The following EPHB3 variants were observed in gnomAD, a reference collection of about 807,000 sequenced individuals.
EPHB3 encodes the protein ephrin type-B receptor 3.
A neutral mutation model predicts 100.2 loss-of-function variants in EPHB3; 33 were observed. The ratio of observed to expected loss-of-function variants is 0.33; its 90% CI spans 0.25 to 0.44. The LOEUF is 0.44. EPHB3 is among the 20% of genes least tolerant of loss of function. EPHB3 has a pLI of 1.00. For missense variants in EPHB3, 1,045 were observed against 1,378.3 expected, an observed-to-expected ratio of 0.76 and a Z score of 3.83; for synonymous variants, 526 against 554.7, an observed-to-expected ratio of 0.95 and a Z score of 0.73.
intron 3 of EPHB3, among the ~76,000 whole-genome samples, chr3:184,574,996 T>C (rs1285267421): frequency 6.6e-6 from 1 of 152,270 alleles, no homozygotes; most frequent in African/African-American, 2.4e-5. Context: ...TGACCCACTT[T>C]AGTGTCTAGG....
chr3:184,574,151 A>T (rs1442632263), intron 3 of EPHB3, among the ~76,000 whole-genome samples: 1 of 152,238 alleles, frequency 6.6e-6, no homozygotes, highest in East Asian at 1.9e-4. Context: ...TGTCTGGCAC[A>T]TGGGAGCACA....
In EPHB3 at chr3:184,579,653, G is replaced by A; in HGVS notation, c.1925-34G>A. On this transcript the variant is annotated intron_variant, in intron 10 of 15. Transcript: ENST00000330394. This position sits in a 1 kb window ranked among gnomAD's most constrained non-coding sequence, Gnocchi z 5.2. The stretch of plus-strand genomic sequence containing the variant: ...AGAAGCTGAGGCGGGCTGGGTACAG[G>A]AGTGAGTCATAGCTTGTGCCCTGTG... 6.2e-7 allele frequency: 1 copy of A among 1,612,192 alleles called. No individual in the cohort carries two copies.
rs1714604054 is a variant in EPHB3 at position 184,573,878 on chromosome 3, C to T, written c.856+702C>T. On this transcript the variant is annotated intron_variant, in intron 3 of 15. Coordinates refer to ENST00000330394, the MANE Select transcript of EPHB3 (RefSeq NM_004443.4). This position sits in a 1 kb window ranked among gnomAD's most constrained non-coding sequence, Gnocchi z 4.5. ...GATTACAGGCATGTGCCACCACACC[C>T]AGCTAATTTTGTATTTTTAGTAGAC... Among the ~76,000 whole-genome samples the T allele has an allele frequency of 6.6e-6, 1 of 152,012 alleles. No individual in the cohort carries two copies. The highest frequency in any genetic ancestry group is 2.4e-5 in the African/African-American group (1 of 41,364).
intron 1 of EPHB3, among the ~76,000 whole-genome samples, chr3:184,568,948 G>GCTCCCTCCCTCCCTCC (rs71188825): frequency 4.0e-5 from 6 of 149,280 alleles, no homozygotes; most frequent in Non-Finnish European, 1.5e-5. Flanking sequence ...TGCCTCCCTC[G>GCTCCCTCCCTCCCTCC]CTCCCTCCCT....
intron 3 of EPHB3, chr3:184,575,128 A>T: frequency 1.0e-6 from 1 of 985,102 alleles, no homozygotes; most frequent in Non-Finnish European, 1.2e-6. Flanking sequence ...GCCTGTGTCC[A>T]GGGGCCCAAG....
Position 184,562,559 on chromosome 3 carries a change from G to A in EPHB3, c.118+206G>A, listed in dbSNP as rs572199154. On this transcript the variant is annotated intron_variant, in intron 1 of 15. Transcript: ENST00000330394. The surrounding 1 kb of genome is among the most constrained non-coding windows in gnomAD (Gnocchi z 4.8). The stretch of plus-strand genomic sequence containing the variant: ...GCTGGCTCGGAGGCAGGCAGCCCGC[G>A]GGTTGGGGGGTCGCGGGGAGCTAGA... 1.3e-5 allele frequency among the ~76,000 whole-genome samples: 2 copies of A among 152,314 alleles called. No individual in the cohort carries two copies. Among genetic ancestry groups the A allele is most frequent in the Admixed American group, 6.5e-5 (1 of 15,312 alleles).
intron 3 of EPHB3, among the ~76,000 whole-genome samples, chr3:184,574,220 CT>C (rs1714617583): frequency 6.6e-6 from 1 of 152,210 alleles, no homozygotes; most frequent in Admixed American, 6.5e-5. Flanking sequence ...GAGAGCTGGG[CT>C]GTTCTGCCCT....
Position 184,575,970 on chromosome 3 carries a change from G to A in EPHB3, c.997G>A (p.Asp333Asn). The A allele has an allele frequency of 6.2e-7, 1 of 1,612,952 alleles. No individual in the cohort carries two copies. ...CTACCGTGCAGACTCGGACTCTGCGGACAGTGCCTGTACCAGTGAGTGAAC... is the reference window on the plus strand; with the variant it reads ...CTACCGTGCAGACTCGGACTCTGCGAACAGTGCCTGTACCAGTGAGTGAAC... ...NFYRADSDSA[D>N]SACTTVPSPP... Residue 333 changes from aspartate to asparagine, a missense_variant, in exon 4 of 16, where the codon GAC (aspartate) becomes AAC (asparagine). Asp to Asn is a conservative substitution (Grantham distance 23, BLOSUM62 1). Transcript: ENST00000330394.
At chr3:184,564,674 TG>T (rs1373015188) in intron 1 of EPHB3, among the ~76,000 whole-genome samples, 1 of 151,664 alleles carries the variant, frequency 6.6e-6, no homozygotes, top group Non-Finnish European at 1.5e-5. Flanking sequence ...TGCAGGGGGC[TG>T]GGGGTGGGGC....
intron 3 of EPHB3, chr3:184,575,341 G>C (rs2108437973): frequency 1.6e-6 from 1 of 642,936 alleles, no homozygotes; most frequent in East Asian, 1.4e-4. Flanking sequence ...CCTGCGCCTG[G>C]TGGGTGGGGC....
rs971057270 is a variant in EPHB3, at chr3:184,573,611, G to A, written c.856+435G>A. 2.1e-5 allele frequency among the ~76,000 whole-genome samples: 3 copies of A among 143,830 alleles called. No individual in the cohort carries two copies. The highest frequency in any genetic ancestry group is 4.6e-5 in the Non-Finnish European group (3 of 64,966). The allele number at this position is 143,830 out of a possible 152,430, so 94.4% of individuals were successfully genotyped here. A position where few individuals can be genotyped will look rare whatever the true frequency, so the allele number is the denominator to read the frequency against. On this transcript the variant is annotated intron_variant, in intron 3 of 15. Transcript: ENST00000330394. This position sits in a 1 kb window ranked among gnomAD's most constrained non-coding sequence, Gnocchi z 4.5. Reference sequence around the variant, plus strand: ...CATGGCTTTTTACCCTGGGCTCTCTGCCCCTTGGGAGGCAGTATATAAATG... The same window carrying A: ...CATGGCTTTTTACCCTGGGCTCTCTACCCCTTGGGAGGCAGTATATAAATG...
chr3:184,563,370 T>C lies in EPHB3; in HGVS notation c.118+1017T>C, dbSNP rs1714308078. 6.6e-6 allele frequency among the ~76,000 whole-genome samples: 1 copy of C among 152,216 alleles called. No individual in the cohort carries two copies. On this transcript the variant is annotated intron_variant, in intron 1 of 15. Transcript: ENST00000330394. This position sits in a 1 kb window ranked among gnomAD's most constrained non-coding sequence, Gnocchi z 4.1. ...CACAGAAATTCGAGGGCAATTGGAA[T>C]AAAGGCAGTACTTATTTGGGGTATC...
chr3:184,574,633 G>C (rs1055611589), intron 3 of EPHB3, among the ~76,000 whole-genome samples: 3 of 152,210 alleles, frequency 2.0e-5, no homozygotes, highest in African/African-American at 7.2e-5. Flanking sequence ...AGCTGGCTGC[G>C]AGGCCATGTT....
At chr3:184,574,673 G>A (rs1465909547) in intron 3 of EPHB3, among the ~76,000 whole-genome samples, 1 of 152,174 alleles carries the variant, frequency 6.6e-6, no homozygotes, top group Non-Finnish European at 1.5e-5. Flanking sequence ...TGCCTTTCCC[G>A]GGCCCTCTCC....
chr3:184,562,361 G>A lies in EPHB3; in HGVS notation c.118+8G>A. On this transcript the variant is annotated splice_region_variant and intron_variant, in intron 1 of 15. Transcript: ENST00000330394. The surrounding 1 kb of genome is among the most constrained non-coding windows in gnomAD (Gnocchi z 4.8). ...GCTGCCGGGCGCTGGAAGGTGAGCG[G>A]CGTCGGGGGGCGCGCCCGGGAACAA... The A allele has an allele frequency of 3.3e-6, 4 of 1,221,122 alleles. No homozygotes were observed. The South Asian group carries it at 1.5e-4, about 45-fold the overall frequency. The allele number at this position is 1,221,122 out of a possible 1,614,324, so 75.6% of individuals were successfully genotyped here.
intron 1 of EPHB3, among the ~76,000 whole-genome samples, chr3:184,564,004 C>A (rs1714321710): frequency 6.6e-6 from 1 of 152,190 alleles, no homozygotes; most frequent in African/African-American, 2.4e-5. Context: ...TCCCTCCCCC[C>A]TTCCCTTCCT....
chr3:184,579,266 GT>G lies in EPHB3; in HGVS notation c.1802-210del, dbSNP rs1714760177. ...GCATGAATCTGAGAGAGGTCTGGAT[GT>G]GATGAGAGATGAGAGAGAAAAACTA... On this transcript the variant is annotated intron_variant, in intron 9 of 15. Transcript: ENST00000330394. The surrounding 1 kb of genome is among the most constrained non-coding windows in gnomAD (Gnocchi z 5.2). 6.6e-6 allele frequency among the ~76,000 whole-genome samples: 1 copy of G among 152,118 alleles called. No individual in the cohort carries two copies. Among genetic ancestry groups the G allele is most frequent in the South Asian group, 2.1e-4 (1 of 4,820 alleles).
Position 184,577,340 on chromosome 3 carries a change from C to T in EPHB3, c.1355-3C>T, listed in dbSNP as rs1351097362. ...CCCCTGGTGAGCCCTCTGCTCTTCCCAGCCCCGTCTGAAGTGCCCACACTA... is the reference window on the plus strand; with the variant it reads ...CCCCTGGTGAGCCCTCTGCTCTTCCTAGCCCCGTCTGAAGTGCCCACACTA... On this transcript the variant is annotated splice_polypyrimidine_tract_variant and splice_region_variant and intron_variant, in intron 5 of 15. Coordinates refer to ENST00000330394, the MANE Select transcript of EPHB3 (RefSeq NM_004443.4). The surrounding 1 kb of genome is among the most constrained non-coding windows in gnomAD (Gnocchi z 4.9). 1 of 1,613,288 alleles carries T rather than the reference C, an allele frequency of 6.2e-7. No homozygotes were observed. Among genetic ancestry groups the T allele is most frequent in the South Asian group, 1.1e-5 (1 of 90,994 alleles).
Position 184,579,726 on chromosome 3 carries a change from C to T in EPHB3, c.1964C>T (p.Pro655Leu). Residue 655 changes from proline (P) to leucine (L), a missense_variant, in exon 11 of 16, where the codon CCT becomes CTT. By Grantham distance (98) the Pro-to-Leu change is moderately conservative. Coordinates refer to ENST00000330394, the MANE Select transcript of EPHB3 (RefSeq NM_004443.4). This position sits in a 1 kb window ranked among gnomAD's most constrained non-coding sequence, Gnocchi z 5.2. ...GEVCRGRLKQ[P>L]GRREVFVAIK... is the part of the protein sequence containing the mutation. The stretch of plus-strand genomic sequence containing the variant: ...GTGTGCCGTGGTCGACTGAAACAGC[C>T]TGGCCGCCGAGAGGTGTTTGTGGCC... 1 of 1,612,866 alleles carries T rather than the reference C, an allele frequency of 6.2e-7. No individual in the cohort carries two copies. Among genetic ancestry groups the T allele is most frequent in the Non-Finnish European group, 8.5e-7 (1 of 1,179,286 alleles).
Sources: allele counts gnomAD v4.1 joint callset (sites outside exome capture counted in the v4.1 genomes callset), GRCh38; gene constraint gnomAD v4.1.1; non-coding constraint Gnocchi (gnomAD v3.1); transcripts MANE v1.5; gene names NCBI Gene and HGNC (gene_info 2026-07-23, HGNC 2026-07-21).